Variants in CBLC observed in about 807,000 individuals in gnomAD.
CBLC encodes E3 ubiquitin-protein ligase CBL-C.
In CBLC, 46 loss-of-function variants were observed where a neutral mutation model predicts 58.6. That is an observed-to-expected ratio of 0.79 (90% CI 0.62 to 1.00). The LOEUF (loss-of-function observed/expected upper bound fraction) is 1.00. Ranked by LOEUF, CBLC falls within the 50% of genes least tolerant of loss-of-function variation. The pLI is 0.00. For synonymous variants in CBLC, 271 were observed against 264.2 expected (o/e 1.03, Z -0.25); for missense variants, 655 against 625.8 (o/e 1.05, Z -0.50).
At chr19:44,785,895 A>G (rs1967891371) in intron 5 of CBLC, among the ~76,000 whole-genome samples, 1 of 151,986 alleles carries the variant, frequency 6.6e-6, no homozygotes, top group Non-Finnish European at 1.5e-5. Context: ...ATATCACGCC[A>G]CTGCACTCCA....
chr19:44,800,394 GGAACTCCCC>G lies in CBLC; in HGVS notation c.1377_1385del (p.Asn460_Pro462del), dbSNP rs779464880. 3.1e-6 allele frequency: 5 copies of G among 1,612,690 alleles called. No homozygotes were observed. The highest frequency in any genetic ancestry group is 4.2e-6 in the Non-Finnish European group (5 of 1,178,878). Reference sequence around the variant, plus strand: ...TCTCCATTGCAGAGACTCCTAAAGGGGAACTCCCCTCCAGCTGCGCTGGGACCCCAGGAC... The same window carrying G: ...TCTCCATTGCAGAGACTCCTAAAGGGTCCAGCTGCGCTGGGACCCCAGGAC... On this transcript the variant is annotated inframe_deletion, in exon 10 of 11. Transcript: ENST00000647358.
chr19:44,784,516 G>A (rs1214244975), intron 5 of CBLC, 115 bp downstream of exon 5: 3 of 1,057,834 alleles, frequency 2.8e-6, no homozygotes, highest in African/African-American at 1.6e-5. Flanking sequence ...TCACATAGGG[G>A]ACATCTCAAA....
chr19:44,788,778 C>G (rs553706739), intron 5 of CBLC, among the ~76,000 whole-genome samples: 1 of 152,312 alleles, frequency 6.6e-6, no homozygotes, highest in South Asian at 2.1e-4. Context: ...TCTGGGATTA[C>G]AGGTGTGAGC....
intron 3 of CBLC, 121 bp from the exon 4 acceptor site, chr19:44,782,249 A>G (rs781426041): frequency 7.1e-7 from 1 of 1,407,074 alleles, no homozygotes; most frequent in Non-Finnish European, 9.7e-7. Context: ...TGTAAAAGGG[A>G]TATGCCTGAG....
chr19:44,794,486 A>T (rs111318427), intron 9 of CBLC, among the ~76,000 whole-genome samples: 1 of 102,928 alleles, frequency 9.7e-6, no homozygotes, highest in South Asian at 3.0e-4. Context: ...TTTTTTTGAG[A>T]CGGAATCTTG....
chr19:44,784,975 T>G (rs572490881), intron 5 of CBLC, among the ~76,000 whole-genome samples: 2,511 of 124,548 alleles, frequency 0.02, 118 homozygotes, highest in South Asian at 0.066. Context: ...TTTTTTTTTT[T>G]TTTTTTTTTT....
chr19:44,779,144 T>A (rs1399553705), intron 1 of CBLC, among the ~76,000 whole-genome samples: 1 of 152,200 alleles, frequency 6.6e-6, no homozygotes, highest in African/African-American at 2.4e-5. Flanking sequence ...ATTCAAAGTT[T>A]TCTAGATGTG....
chr19:44,786,153 T>G (rs187555501), intron 5 of CBLC, among the ~76,000 whole-genome samples: 2 of 151,976 alleles, frequency 1.3e-5, no homozygotes, highest in Admixed American at 1.3e-4. Flanking sequence ...TTATTGAATA[T>G]CAAGCCGTTG....
rs1255780902 is a variant in CBLC at position 44,792,532 on chromosome 19, G to A, written c.1137+18G>A. ...CCTGGCAGGTGGGTCTGACCCCTGT[G>A]GCGCCTTCCCCTCTGGTCTCCCCCT... On this transcript the variant is annotated intron_variant, in intron 7 of 10. Coordinates refer to ENST00000647358, the MANE Select transcript of CBLC (RefSeq NM_012116.4). 1 of 1,567,862 alleles carries A rather than the reference G, an allele frequency of 6.4e-7. No homozygotes were observed.
At chr19:44,787,052 T>G (rs1469145145) in intron 5 of CBLC, among the ~76,000 whole-genome samples, 2 of 151,978 alleles carry the variant, frequency 1.3e-5, no homozygotes, top group African/African-American at 4.8e-5. Flanking sequence ...GCCTCTGCAT[T>G]CCAGCTTGGG....
intron 4 of CBLC, among the ~76,000 whole-genome samples, chr19:44,782,881 A>T (rs1967787750): frequency 6.6e-6 from 1 of 152,102 alleles, no homozygotes; most frequent in African/African-American, 2.4e-5. Context: ...TATTTCAACC[A>T]GGAGTTTTGA....
At chr19:44,791,732 CAAA>C (rs774565610) in intron 6 of CBLC, among the ~76,000 whole-genome samples, 3 of 76,692 alleles carry the variant, frequency 3.9e-5, no homozygotes, top group African/African-American at 4.8e-5. Context: ...ACTGCGTCTC[CAAA>C]AAAAAAAAAA....
Position 44,778,239 on chromosome 19 carries a change from GA to G in CBLC, c.310del (p.Arg104GlyfsTer175). The G allele has an allele frequency of 6.9e-7, 1 of 1,457,198 alleles. No homozygotes were observed. The highest frequency in any genetic ancestry group is 9.0e-7 in the Non-Finnish European group (1 of 1,106,662). The allele number at this position is 1,457,198 out of a possible 1,614,324, so 90.3% of individuals were successfully genotyped here. On this transcript the variant is annotated frameshift_variant, in exon 1 of 11. Coordinates refer to ENST00000647358, the MANE Select transcript of CBLC (RefSeq NM_012116.4). LOFTEE classifies it high-confidence loss of function. Reference sequence around the variant, plus strand: ...GCCGCGCTGCTGCCTCCCCGGGGCCGAAGGAGTGCCAACGACGAGCTCTTCC... The same window carrying G: ...GCCGCGCTGCTGCCTCCCCGGGGCCGAGGAGTGCCAACGACGAGCTCTTCC... ...QVAALLPPRG[R>X]RSANDELFRA...
rs1487014571 is a variant in CBLC at position 44,780,988 on chromosome 19, G to A, written c.437G>A (p.Gly146Glu). 1 of 1,613,628 alleles carries A rather than the reference G, an allele frequency of 6.2e-7. No homozygotes were observed. The highest frequency in any genetic ancestry group is 8.5e-7 in the Non-Finnish European group (1 of 1,180,018). Reference protein sequence around the residue: ...HALFPGGKYCGHMYQLTKAPA... With the variant: ...HALFPGGKYCEHMYQLTKAPA... Reference sequence around the variant, plus strand: ...CTCTTCCCCGGGGGAAAGTACTGTGGACACATGTACCAGCTCACCAAGGCC... The same window carrying A: ...CTCTTCCCCGGGGGAAAGTACTGTGAACACATGTACCAGCTCACCAAGGCC... The change falls in exon 2 of 11, where the codon GGA (glycine) becomes GAA (glutamate). Residue 146 changes from glycine to glutamate, a missense_variant. Around this residue, in one of 3 missense-constraint regions of CBLC, gnomAD observed 280 missense variants for 237.2 expected, o/e 1.18. Transcript: ENST00000647358.
Position 44,793,457 on chromosome 19 carries a change from C to T in CBLC, c.1138-17C>T. ...GAGCAGGGGAGCACTGACCCTTTCC[C>T]TCCCGACCTCCCCCAGCACTCGGAC... On this transcript the variant is annotated splice_polypyrimidine_tract_variant and intron_variant, in intron 7 of 10. Coordinates refer to ENST00000647358, the MANE Select transcript of CBLC (RefSeq NM_012116.4). 11 of 1,594,046 alleles carry T rather than the reference C, an allele frequency of 6.9e-6. No individual in the cohort carries two copies. The highest frequency in any genetic ancestry group is 9.4e-6 in the Non-Finnish European group (11 of 1,171,964).
rs774632827 is a variant in CBLC at position 44,790,059 on chromosome 19, G to A, written c.973G>A (p.Ala325Thr). Residue 325 changes from alanine to threonine, a missense_variant, in exon 6 of 11, where the codon GCA becomes ACA. Ala to Thr is a moderately conservative substitution (Grantham distance 58, BLOSUM62 0). This residue lies in a region of CBLC where 371 missense variants were observed against 370.8 expected (regional missense o/e 1.00). Coordinates refer to ENST00000647358, the MANE Select transcript of CBLC (RefSeq NM_012116.4). ...HNPDLTELGQ[A>T]EPQQRIHVSE... ...CCCAGACCTGACTGAGCTCGGCCAG[G>A]CAGAACCCCAGCAGCGCATCCACGT... The A allele has an allele frequency of 2.5e-5, 41 of 1,614,060 alleles. No homozygotes were observed. The highest frequency in any genetic ancestry group is 3.4e-5 in the Non-Finnish European group (40 of 1,180,004).
chr19:44,784,270 C>A lies in CBLC; in HGVS notation c.786C>A (p.Ile262=). ...QACRDKPGSY[I]FRPSCTRLGQ... ...TACCTACCTCTCCCTCCAGTTACAT[C>A]TTCCGGCCCAGCTGTACTCGCCTGG... Residue 262 remains isoleucine (I), a synonymous_variant, in exon 5 of 11, where the codon ATC becomes ATA. Transcript: ENST00000647358. 1 of 1,567,194 alleles carries A rather than the reference C, an allele frequency of 6.4e-7. No homozygotes were observed. The highest frequency in any genetic ancestry group is 2.3e-5 in the East Asian group (1 of 43,820).
intron 6 of CBLC, among the ~76,000 whole-genome samples, chr19:44,792,015 C>T (rs185177663): frequency 0.015 from 2,197 of 145,124 alleles, 59 homozygotes; most frequent in African/African-American, 0.054. Context: ...TTTTTTGAGA[C>T]GGAGTTTTGC....
chr19:44,797,622 G>A (rs541363207), intron 9 of CBLC, among the ~76,000 whole-genome samples: 1 of 149,538 alleles, frequency 6.7e-6, no homozygotes, highest in Admixed American at 6.7e-5. Flanking sequence ...GAGTGTGGTG[G>A]CGTGCACCTG....
Sources: gnomAD v4.1 joint callset for allele counts (sites outside exome capture counted in the v4.1 genomes callset) on GRCh38, gnomAD v4.1.1 for gene constraint, gnomAD v4.1.1 regional missense constraint, MANE v1.5 for transcripts, NCBI Gene and HGNC (gene_info 2026-07-23, HGNC 2026-07-21) for gene names.